ARX: variants seen among roughly 807,000 people sequenced by gnomAD.
ARX encodes the protein homeobox protein ARX.
Under a neutral mutation model 23.1 loss-of-function variants are expected in ARX, and 1 was observed. The observed-to-expected ratio is 0.04, with a 90% confidence interval of 0.02 to 0.21. The LOEUF is 0.21. Among genes scored for constraint, ARX ranks in the 10% least tolerant of loss-of-function variants. The pLI is 1.00. For synonymous variants in ARX, 301 were observed against 270.1 expected (o/e 1.11, Z -1.12); for missense variants, 380 against 527.5 (o/e 0.72, Z 2.74).
intron 2 of ARX, 98 bp from the exon 3 acceptor site, chrX:25,010,403 C>G (rs1470445191): frequency 2.0e-6 from 2 of 1,005,186 alleles, no homozygotes; most frequent in East Asian, 3.2e-5. Context: ...CCACCAGGGT[C>G]TCCCCTGGCT....
Position 25,015,691 on chromosome X carries a change from C to T in ARX, c.47G>A (p.Cys16Tyr). The change falls in exon 1 of 5, where the codon TGC becomes TAC. Residue 16 changes from cysteine (C) to tyrosine (Y), a missense_variant. Around this residue, in one of 3 missense-constraint regions of ARX, gnomAD observed 235 missense variants for 270.2 expected, o/e 0.87. Transcript: ENST00000379044. ...GAGCAAAGTTGGAGATTTACTTTTG[C>T]ACTCGGGCCTCTCGGAGCAGCCCTC... ...QEEGCSERPE[C>Y]KSKSPTLLSS... 1 of 1,205,277 alleles carries T rather than the reference C, an allele frequency of 8.3e-7. No homozygotes were observed. The highest frequency in any genetic ancestry group is 1.1e-6 in the Non-Finnish European group (1 of 891,666).
Position 25,012,913 on chromosome X carries a change from C to G in ARX, c.1073+9G>C, listed in dbSNP as rs779717915. The G allele has an allele frequency of 1.7e-6, 2 of 1,203,370 alleles. No homozygotes were observed. Among genetic ancestry groups the G allele is most frequent in the Admixed American group, 4.4e-5 (2 of 45,479 alleles). ...TGCCGCTGCGACCGCGACCACCCTA[C>G]GCGCATACCTGGTGAAGACGTCCGG... On this transcript the variant is annotated intron_variant, in intron 2 of 4. Coordinates refer to ENST00000379044, the MANE Select transcript of ARX (RefSeq NM_139058.3).
chrX:25,011,405 G>C (rs764624950), intron 2 of ARX, among the ~76,000 whole-genome samples: 1 of 112,308 alleles, frequency 8.9e-6, no homozygotes, highest in African/African-American at 3.2e-5. Flanking sequence ...GCCCCTCCTC[G>C]TGCACTTCGG....
chrX:25,013,707 G>A lies in ARX; in HGVS notation c.288C>T (p.Leu96=). 1 of 906,850 alleles carries A rather than the reference G, an allele frequency of 1.1e-6. No homozygotes were observed. The highest frequency in any genetic ancestry group is 1.4e-6 in the Non-Finnish European group (1 of 737,303). The allele number at this position is 906,850 out of a possible 1,213,427, so 74.7% of individuals were successfully genotyped here. Residue 96 remains leucine (L), a synonymous_variant, in exon 2 of 5, where the codon CTC becomes CTT. Transcript: ENST00000379044. ...RRLYGPGGGR[L]LQGAAAAAAA... is the part of the protein sequence containing the mutation. ...CCGCCGCCGCTGCCGCACCCTGAAG[G>A]AGGCGGCCCCCGCCCGGGCCGTACA...
In ARX at chrX:25,013,659, T is replaced by TGCCGCC. The variant is rs387906492; in HGVS notation, c.330_335dup (p.Ala114_Ala115dup). On this transcript the variant is annotated inframe_insertion, in exon 2 of 5. Coordinates refer to ENST00000379044, the MANE Select transcript of ARX (RefSeq NM_139058.3). The stretch of plus-strand genomic sequence containing the variant: ...GACCCGCCGTGGCCGTGGCGGCCGC[T>TGCCGCC]GCCGCCGCCGCCGCCGCCGCCGCCG... 4.7e-5 allele frequency: 36 copies of TGCCGCC among 770,744 alleles called. No homozygotes were observed. Among genetic ancestry groups the TGCCGCC allele is most frequent in the African/African-American group, 1.9e-4 (8 of 42,697 alleles). 63.5% of individuals were successfully genotyped at this position (770,744 alleles called of 1,213,427 possible). A position where few individuals can be genotyped will look rare whatever the true frequency, so the allele number is the denominator to read the frequency against.
At chrX:25,007,700 C>T (rs2048684807) in intron 3 of ARX, among the ~76,000 whole-genome samples, 1 of 111,905 alleles carries the variant, frequency 8.9e-6, no homozygotes, top group Non-Finnish European at 1.9e-5. Flanking sequence ...GCCAGTTTTC[C>T]AAGTTTAAGG....
intron 3 of ARX, among the ~76,000 whole-genome samples, chrX:25,009,278 G>A (rs1022128026): frequency 9.0e-6 from 1 of 111,614 alleles, no homozygotes; most frequent in Non-Finnish European, 1.9e-5. Context: ...ATCTTCTCCA[G>A]TGAATAGGGG....
chrX:25,013,225 C>T lies in ARX; in HGVS notation c.770G>A (p.Arg257His). ...GCGCCGGGGCTCCTTGAGCAGCGCG[C>T]GGGCGTCGTCCTCCAGCAGCTCCTC... ...DEEELLEDDARALLKEPRRCP... is the reference protein window; with the variant it reads ...DEEELLEDDAHALLKEPRRCP... Residue 257 changes from arginine to histidine, a missense_variant, in exon 2 of 5, where the codon CGC becomes CAC. By Grantham distance (29) the Arg-to-His change is conservative. Coordinates refer to ENST00000379044, the MANE Select transcript of ARX (RefSeq NM_139058.3). 8.6e-7 allele frequency: 1 copy of T among 1,161,005 alleles called. No homozygotes were observed. The highest frequency in any genetic ancestry group is 1.1e-6 in the Non-Finnish European group (1 of 870,775).
At chrX:25,009,555 G>A (rs185168230) in intron 3 of ARX, among the ~76,000 whole-genome samples, 1 of 111,600 alleles carries the variant, frequency 9.0e-6, no homozygotes, top group African/African-American at 3.3e-5. Context: ...CTCCTAACTC[G>A]GGGACATCTG....
rs2048664650 is a variant in ARX at position 25,003,782 on chromosome X, A to G, written c.*888T>C. 1 of 111,908 alleles carries G rather than the reference A, an allele frequency of 8.9e-6. No homozygotes were observed. The highest frequency in any genetic ancestry group is 1.9e-5 in the Non-Finnish European group (1 of 53,220). 9.2% of individuals were successfully genotyped at this position (111,908 alleles called of 1,213,427 possible). On this transcript the variant is annotated 3_prime_UTR_variant, in exon 5 of 5. Transcript: ENST00000379044. ...AGTGGTAACAATTACACATTACACA[A>G]AAGTACTGTACCATTGCCTTTATCT...
At chrX:25,012,837 C>A (rs1438792236) in intron 2 of ARX, 85 bp downstream of exon 2, 1 of 1,162,493 alleles carries the variant, frequency 8.6e-7, no homozygotes. Flanking sequence ...CGCCCCGAGG[C>A]CGGGGCCCCT....
chrX:25,009,367 A>C (rs2147321572), intron 3 of ARX, among the ~76,000 whole-genome samples: 1 of 112,047 alleles, frequency 8.9e-6, no homozygotes, highest in South Asian at 3.8e-4. Context: ...CCTGAGCTGA[A>C]AATACGGAGT....
intron 4 of ARX, among the ~76,000 whole-genome samples, chrX:25,006,323 A>G (rs2048677944): frequency 8.9e-6 from 1 of 112,274 alleles, no homozygotes; most frequent in Non-Finnish European, 1.9e-5. Flanking sequence ...CTGTAAGATG[A>G]TTTTTTGTTA....
rs398124515 is a variant in ARX at position 25,013,398 on chromosome X, C to T, written c.597G>A (p.Thr199=). Residue 199 remains threonine, a synonymous_variant, in exon 2 of 5, where the codon ACG becomes ACA. Transcript: ENST00000379044. ...CCACGCCGAGGCGCTCCTCCGGGTG[C>T]GTGACGCCCCCCGGGCCGCCCAGCT... ...LDELGGPGGV[T]HPEERLGVAG... 1 of 1,081,119 alleles carries T rather than the reference C, an allele frequency of 9.2e-7. No individual in the cohort carries two copies. Among genetic ancestry groups the T allele is most frequent in the Non-Finnish European group, 1.2e-6 (1 of 840,283 alleles). 89.1% of individuals were successfully genotyped at this position (1,081,119 alleles called of 1,213,427 possible). A position where few individuals can be genotyped will look rare whatever the true frequency, so the allele number is the denominator to read the frequency against.
chrX:25,012,092 A>G (rs142386561), intron 2 of ARX, among the ~76,000 whole-genome samples: 1,513 of 112,742 alleles, frequency 0.013, 23 homozygotes, highest in African/African-American at 0.046. Flanking sequence ...GAGCGTGACC[A>G]GGTCGAACAC....
At position 25,013,452 on chromosome X, in the gene ARX, G is replaced by A. The variant is rs587780854; in HGVS notation, c.543C>T (p.Pro181=). ...RSKSYRENGA[P]FVPPPPALDE... Reference sequence around the variant, plus strand: ...CCAGCGCGGGCGGCGGCGGCACGAAGGGCGCCCCGTTCTCGCGGTACGACT... The same window carrying A: ...CCAGCGCGGGCGGCGGCGGCACGAAAGGCGCCCCGTTCTCGCGGTACGACT... The change falls in exon 2 of 5, where the codon CCC becomes CCT. Residue 181 remains proline (P), a synonymous_variant. Transcript: ENST00000379044. 8 of 930,487 alleles carry A rather than the reference G, an allele frequency of 8.6e-6. No homozygotes were observed. Among genetic ancestry groups the A allele is most frequent in the East Asian group, 5.5e-5 (1 of 18,300 alleles). 76.7% of individuals were successfully genotyped at this position (930,487 alleles called of 1,213,427 possible).
rs1347270835 is a variant in ARX, at chrX:25,013,030, C to A, written c.965G>T (p.Gly322Val). 10 of 1,198,789 alleles carry A rather than the reference C, an allele frequency of 8.3e-6. No individual in the cohort carries two copies. The highest frequency in any genetic ancestry group is 1.1e-5 in the Non-Finnish European group (10 of 889,535). Residue 322 changes from glycine (G) to valine (V), a missense_variant, in exon 2 of 5, where the codon GGG becomes GTG. This residue lies in a region of ARX where 24 missense variants were observed against 87.7 expected (regional missense o/e 0.27). Coordinates refer to ENST00000379044, the MANE Select transcript of ARX (RefSeq NM_139058.3). The stretch of plus-strand genomic sequence containing the variant: ...GCGCCTCTGTTTGCGTTTCAGCAGC[C>A]CCTCCTCCGAGTCGCTGCCCGCAGA... ...CLSAGSDSEE[G>V]LLKRKQRRYR... is the part of the protein sequence containing the mutation.
Position 25,013,353 on chromosome X carries a change from G to T in ARX, c.642C>A (p.Ala214=), listed in dbSNP as rs997439358. Reference sequence around the variant, plus strand: ...TGCCGGTGCCACCACCCGCAGCCGGGGCGCTGCCCGGGCCGCCGGCCACGC... The same window carrying T: ...TGCCGGTGCCACCACCCGCAGCCGGTGCGCTGCCCGGGCCGCCGGCCACGC... ...RLGVAGGPGS[A]PAAGGGTGTE... Residue 214 remains alanine, a synonymous_variant, in exon 2 of 5, where the codon GCC becomes GCA. Coordinates refer to ENST00000379044, the MANE Select transcript of ARX (RefSeq NM_139058.3). 7.0e-6 allele frequency: 8 copies of T among 1,144,198 alleles called. No individual in the cohort carries two copies. The African/African-American group carries it at 9.2e-5, about 13-fold the overall frequency. The allele number at this position is 1,144,198 out of a possible 1,213,427, so 94.3% of individuals were successfully genotyped here.
Position 25,004,269 on chromosome X carries a change from AAAAGAAAG to A in ARX, c.*393_*400del, listed in dbSNP as rs1187412665. The A allele has an allele frequency of 2.1e-5, 3 of 143,976 alleles. No individual in the cohort carries two copies. Among genetic ancestry groups the A allele is most frequent in the Non-Finnish European group, 2.7e-5 (2 of 75,065 alleles). 11.9% of individuals were successfully genotyped at this position (143,976 alleles called of 1,213,427 possible). A position where few individuals can be genotyped will look rare whatever the true frequency, so the allele number is the denominator to read the frequency against. On this transcript the variant is annotated 3_prime_UTR_variant, in exon 5 of 5. Transcript: ENST00000379044. ...GCGCCAAAATGCTATTTAAAAAAAA[AAAAGAAAG>A]AAAGAAAGAAAGAAAAGAAAGGCTA...
Sources: allele counts gnomAD v4.1 joint callset (sites outside exome capture counted in the v4.1 genomes callset), GRCh38; gene constraint gnomAD v4.1.1; regional missense constraint gnomAD v4.1.1; transcripts MANE v1.5; gene names NCBI Gene and HGNC (gene_info 2026-07-23, HGNC 2026-07-21).